MXI1: variants seen among roughly 807,000 people sequenced by gnomAD.
The protein encoded by MXI1 is max-interacting protein 1.
In MXI1, 18 loss-of-function variants were observed where a neutral mutation model predicts 36.9. That is an observed-to-expected ratio of 0.49 (90% CI 0.34 to 0.72). MXI1 has a LOEUF of 0.72. Ranked by LOEUF, MXI1 falls within the 30% of genes least tolerant of loss-of-function variation. MXI1 has a pLI of 0.01. For synonymous variants in MXI1, 160 were observed against 146.7 expected (o/e 1.09, Z -0.65); for missense variants, 304 against 379.1 (o/e 0.80, Z 1.64).
chr10:110,216,146 C>T (rs1330059367), intron 1 of MXI1, among the ~76,000 whole-genome samples: 1 of 152,208 alleles, frequency 6.6e-6, no homozygotes, highest in Non-Finnish European at 1.5e-5. Flanking sequence ...GGGCCCCTTG[C>T]TTATGAAATG....
At chr10:110,216,679 T>TGTTTTG (rs1394092399) in intron 1 of MXI1, among the ~76,000 whole-genome samples, 1 of 94,560 alleles carries the variant, frequency 1.1e-5, no homozygotes, top group Non-Finnish European at 1.8e-5. Flanking sequence ...TTTTTTTTTT[T>TGTTTTG]TTTTTTGGAG....
rs1450592148 is a variant in MXI1 at position 110,228,237 on chromosome 10, G to A, written c.323G>A (p.Arg108Gln). 6 of 1,613,972 alleles carry A rather than the reference G, an allele frequency of 3.7e-6. No homozygotes were observed. The Admixed American group carries it at 1.0e-4, about 27-fold the overall frequency. Residue 108 changes from arginine to glutamine, a missense_variant, in exon 2 of 6, where the codon CGA (arginine) becomes CAA (glutamine). Around this residue, in one of 2 missense-constraint regions of MXI1, gnomAD observed 179 missense variants for 184.8 expected, o/e 0.97. Coordinates refer to ENST00000332674, the MANE Select transcript of MXI1 (RefSeq NM_130439.3). ...ASSFPSMPSP[R>Q]LQHSKPPRRL... Reference sequence around the variant, plus strand: ...TCATTCCCGTCCATGCCGAGCCCCCGACTGCAGCATTCAAAGCCCCCACGG... The same window carrying A: ...TCATTCCCGTCCATGCCGAGCCCCCAACTGCAGCATTCAAAGCCCCCACGG...
intron 1 of MXI1, chr10:110,227,402 CGAGGGTGCGCACG>C: frequency 1.0e-6 from 1 of 983,942 alleles, no homozygotes; most frequent in Non-Finnish European, 1.2e-6. Context: ...GGGGGAGGTG[CGAGGGTGCGCACG>C]GAGGGTGGGG....
At chr10:110,213,178 A>C (rs1167637149) in intron 1 of MXI1, among the ~76,000 whole-genome samples, 3 of 152,214 alleles carry the variant, frequency 2.0e-5, no homozygotes, top group African/African-American at 7.2e-5. Context: ...TGAAGAGCTG[A>C]GACTGCATCC....
In MXI1 at chr10:110,228,333, G is replaced by C; in HGVS notation, c.407+12G>C. 1 of 1,614,028 alleles carries C rather than the reference G, an allele frequency of 6.2e-7. No individual in the cohort carries two copies. The highest frequency in any genetic ancestry group is 8.5e-7 in the Non-Finnish European group (1 of 1,180,016). ...AGCACTGCCAACAGGTAGCAAGCTGGGAACGCTTAGAAGAGGGAACTGGAG... is the reference window on the plus strand; with the variant it reads ...AGCACTGCCAACAGGTAGCAAGCTGCGAACGCTTAGAAGAGGGAACTGGAG... On this transcript the variant is annotated intron_variant, in intron 2 of 5. Transcript: ENST00000332674.
chr10:110,278,637 G>A (rs1032675130), intron 3 of MXI1, among the ~76,000 whole-genome samples: 14 of 152,040 alleles, frequency 9.2e-5, no homozygotes, highest in African/African-American at 3.4e-4. Context: ...AATTTCATGT[G>A]GTTCAAACTA....
In MXI1 at chr10:110,284,887, C is replaced by A; in HGVS notation, c.788C>A (p.Thr263Asn). 6.2e-7 allele frequency: 1 copy of A among 1,613,594 alleles called. No individual in the cohort carries two copies. Among genetic ancestry groups the A allele is most frequent in the South Asian group, 1.1e-5 (1 of 91,054 alleles). The change falls in exon 6 of 6, where the codon ACC becomes AAC. Residue 263 changes from threonine to asparagine, a missense_variant. Transcript: ENST00000332674. Reference sequence around the variant, plus strand: ...CATGGAGAAGTGGACAATATAAGTACCACCAGCATCAGTGACATTGATGAC... The same window carrying A: ...CATGGAGAAGTGGACAATATAAGTAACACCAGCATCAGTGACATTGATGAC... ...FSHGEVDNISTTSISDIDDHS... is the reference protein window; with the variant it reads ...FSHGEVDNISNTSISDIDDHS...
chr10:110,209,938 C>A (rs1423069037), intron 1 of MXI1, among the ~76,000 whole-genome samples: 2 of 151,118 alleles, frequency 1.3e-5, no homozygotes, highest in African/African-American at 2.4e-5. Context: ...AGCCACCCCC[C>A]CTCACCAGCG....
intron 3 of MXI1, among the ~76,000 whole-genome samples, chr10:110,256,080 A>C (rs1405121920): frequency 6.6e-6 from 1 of 152,194 alleles, no homozygotes; most frequent in African/African-American, 2.4e-5. Flanking sequence ...CAACAAATAG[A>C]GCGGACACAA....
chr10:110,243,010 AC>A (rs1855729632), intron 2 of MXI1, among the ~76,000 whole-genome samples: 1 of 151,966 alleles, frequency 6.6e-6, no homozygotes, highest in Admixed American at 6.6e-5. Context: ...GGGGAATCTT[AC>A]TATTGATTAT....
At chr10:110,222,295 CTT>C (rs1854836421) in intron 1 of MXI1, among the ~76,000 whole-genome samples, 1 of 152,226 alleles carries the variant, frequency 6.6e-6, no homozygotes, top group African/African-American at 2.4e-5. Context: ...TCAGTAAACA[CTT>C]TGCAGTTTCA....
intron 1 of MXI1, among the ~76,000 whole-genome samples, chr10:110,216,665 G>GTTTGTTTTTTTTTTTTTTTTTTTTTTTT (rs1854644312): frequency 1.3e-5 from 1 of 79,060 alleles, no homozygotes; most frequent in African/African-American, 8.0e-5. Flanking sequence ...TGTGTTTAAT[G>GTTTGTTTTTTTTTTTTTTTTTTTTTTTT]TTTTTTTTTT....
chr10:110,286,680 C>CT lies in MXI1; in HGVS notation c.*1696dup, dbSNP rs970750656. 3 of 152,574 alleles carry CT rather than the reference C, an allele frequency of 2.0e-5. No homozygotes were observed. Among genetic ancestry groups the CT allele is most frequent in the Non-Finnish European group, 4.4e-5 (3 of 68,038 alleles). 9.5% of individuals were successfully genotyped at this position (152,574 alleles called of 1,614,324 possible). ...TTAGACTATCCCTTTGTGAGTGACACTTTAACAGCATTCACTGCTTCTATA... is the reference window on the plus strand; with the variant it reads ...TTAGACTATCCCTTTGTGAGTGACACTTTTAACAGCATTCACTGCTTCTATA... On this transcript the variant is annotated 3_prime_UTR_variant, in exon 6 of 6. Transcript: ENST00000332674.
At chr10:110,229,072 A>G (rs1285434859) in intron 2 of MXI1, among the ~76,000 whole-genome samples, 2 of 152,156 alleles carry the variant, frequency 1.3e-5, no homozygotes, top group Non-Finnish European at 2.9e-5. Flanking sequence ...AAAAAAATAG[A>G]TGTACTAAGA....
rs756708037 is a variant in MXI1, at chr10:110,219,966, C to T, written c.275-8223C>T. Among the ~76,000 whole-genome samples, 14 of 152,214 alleles carry T rather than the reference C, an allele frequency of 9.2e-5. No homozygotes were observed. The East Asian group carries it at 1.2e-3, about 13-fold the overall frequency. ...ACATCCTTGGTTCCCACCCACTAAACGCCACTGGAACGCCCCCAGTCATTG... is the reference window on the plus strand; with the variant it reads ...ACATCCTTGGTTCCCACCCACTAAATGCCACTGGAACGCCCCCAGTCATTG... On this transcript the variant is annotated intron_variant, in intron 1 of 5. Transcript: ENST00000332674.
intron 1 of MXI1, among the ~76,000 whole-genome samples, chr10:110,218,903 C>A (rs1854725467): frequency 6.6e-6 from 1 of 152,230 alleles, no homozygotes; most frequent in Non-Finnish European, 1.5e-5. Context: ...TAGGTCCTCG[C>A]TGCCACCGTG....
At chr10:110,210,187 C>T in intron 1 of MXI1, 1 of 939,774 alleles carries the variant, frequency 1.1e-6, no homozygotes, top group Non-Finnish European at 1.3e-6. Context: ...GGCGGCGTAA[C>T]CGGGCTCCAG....
At chr10:110,210,918 C>G (rs1423564278) in intron 1 of MXI1, among the ~76,000 whole-genome samples, 1 of 152,180 alleles carries the variant, frequency 6.6e-6, no homozygotes, top group Non-Finnish European at 1.5e-5. Context: ...TTCCGAAACG[C>G]TTACATCATT....
intron 5 of MXI1, among the ~76,000 whole-genome samples, chr10:110,281,362 ATC>A (rs1429583815): frequency 6.6e-6 from 1 of 152,184 alleles, no homozygotes; most frequent in Non-Finnish European, 1.5e-5. Flanking sequence ...AATTCAGATA[ATC>A]TTTTTTAATA....
Sources: gnomAD v4.1 joint callset for allele counts (sites outside exome capture counted in the v4.1 genomes callset) on GRCh38, gnomAD v4.1.1 for gene constraint, gnomAD v4.1.1 regional missense constraint, MANE v1.5 for transcripts, NCBI Gene and HGNC (gene_info 2026-07-23, HGNC 2026-07-21) for gene names.